ZNF398: variants seen among roughly 807,000 people sequenced by gnomAD.
ZNF398 encodes the protein zinc finger DNA binding protein ZER6.
ZNF398 carries 18 observed loss-of-function variants against 41.9 expected under a neutral mutation model. That is an observed-to-expected ratio of 0.43 (90% CI 0.30 to 0.64). ZNF398 has a LOEUF of 0.64. Ranked by LOEUF, ZNF398 falls within the 30% of genes least tolerant of loss-of-function variation. The pLI, the probability that ZNF398 is intolerant of heterozygous loss-of-function variation, is 0.14. For missense variants in ZNF398, 669 were observed against 822.8 expected (o/e 0.81, Z 2.29); for synonymous variants, 260 against 308.8 (o/e 0.84, Z 1.66).
chr7:149,143,013 C>T (rs1045932179), upstream of ZNF398, among the ~76,000 whole-genome samples: 1 of 152,078 alleles, frequency 6.6e-6, no homozygotes, highest in East Asian at 1.9e-4. Flanking sequence ...AGTATAGTGG[C>T]ATGATCTCGG....
upstream of ZNF398, among the ~76,000 whole-genome samples, chr7:149,144,451 G>C (rs1177246798): frequency 1.3e-5 from 2 of 152,042 alleles, no homozygotes; most frequent in Non-Finnish European, 2.9e-5. Context: ...GGGTCGACAG[G>C]TGTGCATTAC....
intron 2 of ZNF398, among the ~76,000 whole-genome samples, chr7:149,165,722 C>T (rs556800477): frequency 5.3e-5 from 8 of 152,274 alleles, no homozygotes. Context: ...AAAGGGAACT[C>T]TGTACTTGGC....
chr7:149,136,215 CTT>C (rs1213037055), intron 2 of ZNF398, among the ~76,000 whole-genome samples: 1 of 152,026 alleles, frequency 6.6e-6, no homozygotes, highest in African/African-American at 2.4e-5. Flanking sequence ...AAAATGCAAA[CTT>C]GGGGAGGGCG....
chr7:149,161,525 A>G (rs753925880), intron 2 of ZNF398, among the ~76,000 whole-genome samples: 1 of 152,192 alleles, frequency 6.6e-6, no homozygotes, highest in Non-Finnish European at 1.5e-5. Flanking sequence ...TGATCACATC[A>G]CTGCACCCCA....
At chr7:149,161,133 C>G (rs1227517480) in intron 2 of ZNF398, among the ~76,000 whole-genome samples, 3 of 152,154 alleles carry the variant, frequency 2.0e-5, no homozygotes, top group Non-Finnish European at 4.4e-5. Context: ...CACCTCCTCA[C>G]CCTGTCTATC....
In ZNF398 at chr7:149,166,346, T is replaced by C. The variant is rs1563163475; in HGVS notation, c.547+62T>C. 1.9e-6 allele frequency: 3 copies of C among 1,591,774 alleles called. No individual in the cohort carries two copies. The African/African-American group carries it at 4.1e-5, about 22-fold the overall frequency. On this transcript the variant is annotated intron_variant, in intron 3 of 5. Coordinates refer to ENST00000475153, the MANE Select transcript of ZNF398 (RefSeq NM_170686.3). ...GCAGCTCCAAGAGGGCTCAGAACAG[T>C]CCCTTTTCCTCCAGTGACCTCATTC...
Position 149,166,307 on chromosome 7 carries a change from T to G in ZNF398, c.547+23T>G, listed in dbSNP as rs1795224579. 1.9e-6 allele frequency: 3 copies of G among 1,574,536 alleles called. No homozygotes were observed. In the African/African-American group the frequency reaches 4.1e-5, roughly 22 times the overall value. ...TGGGTGAGGCTGAGTTGACACCTTT[T>G]GAATGAAGTGACAGCAGCTCCAAGA... On this transcript the variant is annotated intron_variant, in intron 3 of 5. Transcript: ENST00000475153.
At chr7:149,130,743 A>C (rs995858003) in intron 2 of ZNF398, among the ~76,000 whole-genome samples, 7 of 152,340 alleles carry the variant, frequency 4.6e-5, no homozygotes, top group African/African-American at 1.7e-4. Context: ...AAAGCCAATC[A>C]TGACAACAAC....
intron 1 of ZNF398, among the ~76,000 whole-genome samples, chr7:149,153,103 C>T (rs1333687366): frequency 1.3e-5 from 2 of 151,912 alleles, no homozygotes; most frequent in Middle Eastern, 3.4e-3. Context: ...AGGTGATCTG[C>T]CCACCTCGGC....
In ZNF398 at chr7:149,154,285, A is replaced by T; in HGVS notation, c.365A>T (p.Asn122Ile). The stretch of plus-strand genomic sequence containing the variant: ...GAGAACTTGGAGAACCTGCTGCGCA[A>T]CAGGAACTTCTGGATCCTGCGGCTC... ...RLENLENLLR[N>I]RNFWILRLPP... Residue 122 changes from asparagine to isoleucine, a missense_variant, in exon 2 of 6, where the codon AAC (asparagine) becomes ATC (isoleucine). This residue lies in a region of ZNF398 where 169 missense variants were observed against 239.5 expected (regional missense o/e 0.71). Coordinates refer to ENST00000475153, the MANE Select transcript of ZNF398 (RefSeq NM_170686.3). 6.2e-7 allele frequency: 1 copy of T among 1,614,132 alleles called. No individual in the cohort carries two copies. The highest frequency in any genetic ancestry group is 8.5e-7 in the Non-Finnish European group (1 of 1,180,004).
intron 2 of ZNF398, among the ~76,000 whole-genome samples, chr7:149,133,678 T>TATATATATATATATACACACACACAC (rs1483673161): frequency 3.0e-5 from 2 of 67,024 alleles, no homozygotes; most frequent in African/African-American, 1.2e-4. Context: ...TATATATATA[T>TATATATATATATATACACACACACAC]ACATATATAT....
At chr7:149,177,032 T>G (rs1795475937) in intron 5 of ZNF398, among the ~76,000 whole-genome samples, 1 of 152,146 alleles carries the variant, frequency 6.6e-6, no homozygotes, top group African/African-American at 2.4e-5. Flanking sequence ...AGTATCTTCC[T>G]TCTAAGATAC....
chr7:149,129,664 G>A (rs1387306337), intron 2 of ZNF398, among the ~76,000 whole-genome samples: 2 of 152,172 alleles, frequency 1.3e-5, no homozygotes, highest in Non-Finnish European at 2.9e-5. Flanking sequence ...ACAGGCATGA[G>A]CCACTGCGCC....
intron 4 of ZNF398, 50 bp downstream of exon 4, chr7:149,166,980 C>A: frequency 7.3e-7 from 1 of 1,369,520 alleles, no homozygotes; most frequent in Non-Finnish European, 1.0e-6. Flanking sequence ...CCTGGTCAGA[C>A]ATGGTGGCTC....
upstream of ZNF398, among the ~76,000 whole-genome samples, chr7:149,145,883 C>T (rs937744938): frequency 6.6e-6 from 1 of 150,934 alleles, no homozygotes; most frequent in African/African-American, 2.4e-5. Context: ...ACTGCTGTTA[C>T]ACACACTCTG....
At chr7:149,175,779 G>A (rs1795448382) in intron 4 of ZNF398, among the ~76,000 whole-genome samples, 1 of 152,136 alleles carries the variant, frequency 6.6e-6, no homozygotes, top group Admixed American at 6.5e-5. Flanking sequence ...CTGCCTCCCA[G>A]GTTCAAGCAA....
rs1795532073 is a variant in ZNF398 at position 149,179,043 on chromosome 7, G to C, written c.1171G>C (p.Asp391His). 6.2e-7 allele frequency: 1 copy of C among 1,613,804 alleles called. No homozygotes were observed. The highest frequency in any genetic ancestry group is 1.3e-5 in the African/African-American group (1 of 74,834). Residue 391 changes from aspartate (D) to histidine (H), a missense_variant, in exon 6 of 6, where the codon GAC (aspartate) becomes CAC (histidine). Around this residue, in one of 3 missense-constraint regions of ZNF398, gnomAD observed 290 missense variants for 292.9 expected, o/e 0.99. Transcript: ENST00000475153. The surrounding 1 kb of genome is among the most constrained non-coding windows in gnomAD (Gnocchi z 6.1). ...GGCGGACCTCAGCAGCACCTCCCAG[G>C]ACCATGCCAGCGAGACACCCCCCAC... ...PQADLSSTSQ[D>H]HASETPPTCP... is the part of the protein sequence containing the mutation.
chr7:149,168,510 A>G (rs11973977), intron 4 of ZNF398, among the ~76,000 whole-genome samples: 6,941 of 152,180 alleles, frequency 0.046, 518 homozygotes, highest in African/African-American at 0.16. Context: ...TTTTACATAT[A>G]ATGAAATTTC....
At chr7:149,127,567 A>AAAAAC (rs1826510293) in intron 1 of ZNF398, among the ~76,000 whole-genome samples, 1 of 149,764 alleles carries the variant, frequency 6.7e-6, no homozygotes, top group Non-Finnish European at 1.5e-5. Context: ...AAAAAAAAAA[A>AAAAAC]ATAGCCGAGC....
Sources: gnomAD v4.1 joint callset for allele counts (sites outside exome capture counted in the v4.1 genomes callset) on GRCh38, gnomAD v4.1.1 for gene constraint, gnomAD v4.1.1 regional missense constraint, Gnocchi (gnomAD v3.1) non-coding constraint, MANE v1.5 for transcripts, NCBI Gene and HGNC (gene_info 2026-07-23, HGNC 2026-07-21) for gene names.